Variants in LRBA observed in about 807,000 individuals in gnomAD.
The protein encoded by LRBA is LPS responsive beige-like anchor protein.
A neutral mutation model predicts 330.0 loss-of-function variants in LRBA; 176 were observed. The observed-to-expected ratio is 0.53, with a 90% CI of 0.47 to 0.60. The LOEUF is 0.60. Ranked by LOEUF, LRBA falls within the 20% of genes least tolerant of loss-of-function variation. The probability of loss-of-function intolerance (pLI) is 0.00; values close to 1 mark genes in which losing one functional copy is unlikely to be tolerated. For missense variants in LRBA, 3,259 were observed against 3,444.8 expected (o/e 0.95, Z 1.35); for synonymous variants, 1,230 against 1,193.0 (o/e 1.03, Z -0.64).
chr4:150,916,563 T>C, intron 6 of LRBA, 36 bp from the exon 7 acceptor site: 1 of 1,608,542 alleles, frequency 6.2e-7, no homozygotes, highest in Non-Finnish European at 8.5e-7. Context: ...CTCTAAATAT[T>C]CTTCTCAGTT....
chr4:150,512,521 C>G (rs1298847615), intron 40 of LRBA, among the ~76,000 whole-genome samples: 5 of 152,076 alleles, frequency 3.3e-5, no homozygotes, highest in Non-Finnish European at 7.4e-5. Flanking sequence ...AGAAAGCTCT[C>G]TAGCCCTCTT....
intron 34 of LRBA, among the ~76,000 whole-genome samples, chr4:150,782,829 GA>G (rs1378065240): frequency 6.6e-6 from 1 of 151,912 alleles, no homozygotes; most frequent in Non-Finnish European, 1.5e-5. Context: ...GCAAGCAGAC[GA>G]AAAGTGAACC....
At chr4:150,399,082 T>C (rs906944658) in intron 47 of LRBA, among the ~76,000 whole-genome samples, 9 of 152,348 alleles carry the variant, frequency 5.9e-5, no homozygotes, top group Admixed American at 5.9e-4. Flanking sequence ...TTTATTAACA[T>C]ACCTTAAAAT....
intron 54 of LRBA, among the ~76,000 whole-genome samples, chr4:150,284,184 G>A (rs1230561307): frequency 6.6e-6 from 1 of 152,172 alleles, no homozygotes; most frequent in Non-Finnish European, 1.5e-5. Context: ...TGTAAGTTAG[G>A]GAAGAAGGTG....
At chr4:150,849,650 A>G in intron 24 of LRBA, 75 bp from the exon 25 acceptor site, 2 of 1,196,532 alleles carry the variant, frequency 1.7e-6, no homozygotes, top group Non-Finnish European at 1.2e-6. Flanking sequence ...GAGGGGAGGA[A>G]AGATAAGAAG....
chr4:150,758,037 C>T (rs1005533351), intron 35 of LRBA, among the ~76,000 whole-genome samples: 2 of 152,142 alleles, frequency 1.3e-5, no homozygotes, highest in African/African-American at 4.8e-5. Flanking sequence ...AACTGTTTCA[C>T]CAAATTTTCA....
chr4:150,705,529 C>T (rs2127012914), intron 36 of LRBA, among the ~76,000 whole-genome samples: 1 of 152,044 alleles, frequency 6.6e-6, no homozygotes, highest in South Asian at 2.1e-4. Context: ...TCACAAATGA[C>T]TAAGATTGCA....
intron 34 of LRBA, among the ~76,000 whole-genome samples, chr4:150,786,146 AC>A (rs939938624): frequency 3.3e-5 from 5 of 152,224 alleles, no homozygotes; most frequent in African/African-American, 1.2e-4. Flanking sequence ...TCCAGAGGTC[AC>A]AACATTTGCA....
chr4:150,534,685 T>G (rs898966396), intron 40 of LRBA, among the ~76,000 whole-genome samples: 9 of 152,146 alleles, frequency 5.9e-5, no homozygotes, highest in Admixed American at 5.2e-4. Context: ...ATAGTTCCTT[T>G]TAAGGAGACA....
chr4:150,769,824 C>A (rs1202547655), intron 34 of LRBA, among the ~76,000 whole-genome samples: 2 of 152,210 alleles, frequency 1.3e-5, no homozygotes, highest in African/African-American at 4.8e-5. Flanking sequence ...CTCCTCAAAC[C>A]ACATTTCATT....
intron 35 of LRBA, among the ~76,000 whole-genome samples, chr4:150,744,688 T>C (rs764387870): frequency 5.9e-5 from 9 of 152,188 alleles, no homozygotes; most frequent in Non-Finnish European, 1.0e-4. Flanking sequence ...GAGAATCCAC[T>C]GGAGTCCTTT....
In LRBA at chr4:150,581,116, T is replaced by A. The variant is rs189014773; in HGVS notation, c.6330+6932A>T. ...ATATCCTACTAAGTTCTACGACATGTAAGTTTGCACCATTTCTCACAACTT... is the reference window on the plus strand; with the variant it reads ...ATATCCTACTAAGTTCTACGACATGAAAGTTTGCACCATTTCTCACAACTT... On this transcript the variant is annotated intron_variant, in intron 40 of 56. Coordinates refer to ENST00000651943, the MANE Select transcript of LRBA (RefSeq NM_001364905.1). 9.2e-4 allele frequency: 168 copies of A among 182,028 alleles called. 1 individual carries two copies. Among genetic ancestry groups the A allele is most frequent in the Admixed American group, 8.6e-3 (142 of 16,526 alleles). 11.3% of individuals were successfully genotyped at this position (182,028 alleles called of 1,614,324 possible). A position where few individuals can be genotyped will look rare whatever the true frequency, so the allele number is the denominator to read the frequency against.
At chr4:150,969,164 C>T (rs748586374) in intron 2 of LRBA, among the ~76,000 whole-genome samples, 3 of 152,312 alleles carry the variant, frequency 2.0e-5, no homozygotes, top group African/African-American at 4.8e-5. Context: ...AGGAGATTCA[C>T]GTTGTTTTCG....
chr4:150,481,502 AACC>A (rs755826457), intron 42 of LRBA, among the ~76,000 whole-genome samples: 3 of 152,066 alleles, frequency 2.0e-5, no homozygotes, highest in Non-Finnish European at 4.4e-5. Flanking sequence ...ATGTTTCTGT[AACC>A]ACCACCACAA....
Position 151,005,660 on chromosome 4 carries a change from A to AGTG in LRBA, c.216+8764_216+8766dup, listed in dbSNP as rs1743988109. On this transcript the variant is annotated intron_variant, in intron 2 of 56. Coordinates refer to ENST00000651943, the MANE Select transcript of LRBA (RefSeq NM_001364905.1). ...CATTCTGTCACCCAAGCTGGAGCACAGTGGTGCAATCTCAGCTCACACCAA... is the reference window on the plus strand; with the variant it reads ...CATTCTGTCACCCAAGCTGGAGCACAGTGGTGGTGCAATCTCAGCTCACACCAA... Among the ~76,000 whole-genome samples, 2 of 139,624 alleles carry AGTG rather than the reference A, an allele frequency of 1.4e-5. 1 individual carries two copies. Among genetic ancestry groups the AGTG allele is most frequent in the South Asian group, 4.8e-4 (2 of 4,196 alleles). 91.6% of individuals were successfully genotyped at this position (139,624 alleles called of 152,430 possible).
chr4:150,652,389 T>C (rs1779787943), intron 37 of LRBA, among the ~76,000 whole-genome samples: 1 of 152,198 alleles, frequency 6.6e-6, no homozygotes. Flanking sequence ...TTGCAGAAAC[T>C]AAGCTGTTTC....
At position 150,946,487 on chromosome 4, in the gene LRBA, G is replaced by A. The variant is rs569214109; in HGVS notation, c.217-17422C>T. On this transcript the variant is annotated intron_variant, in intron 2 of 56. Coordinates refer to ENST00000651943, the MANE Select transcript of LRBA (RefSeq NM_001364905.1). ...AGATAAAGATCACAGAAAAATGTGC[G>A]AACACTTGGAAACTATTACACTCCT... is the stretch of plus-strand genomic sequence containing the variant. Among the ~76,000 whole-genome samples, 305 of 152,134 alleles carry A rather than the reference G, an allele frequency of 2.0e-3. 1 individual carries two copies. Among genetic ancestry groups the A allele is most frequent in the African/African-American group, 7.0e-3 (290 of 41,522 alleles).
At chr4:150,780,864 T>C (rs1738122785) in intron 34 of LRBA, among the ~76,000 whole-genome samples, 1 of 151,734 alleles carries the variant, frequency 6.6e-6, no homozygotes, top group East Asian at 1.9e-4. Flanking sequence ...ACATTTATCG[T>C]GCATTTTATT....
chr4:150,966,197 G>C (rs768784873), intron 2 of LRBA, among the ~76,000 whole-genome samples: 1 of 152,138 alleles, frequency 6.6e-6, no homozygotes, highest in Non-Finnish European at 1.5e-5. Context: ...GAAAAGAAGT[G>C]AATCAGCAAC....
Sources: gnomAD v4.1 joint callset for allele counts (sites outside exome capture counted in the v4.1 genomes callset) on GRCh38, gnomAD v4.1.1 for gene constraint, MANE v1.5 for transcripts, NCBI Gene and HGNC (gene_info 2026-07-23, HGNC 2026-07-21) for gene names.